Variants in ZZEF1 observed in about 807,000 individuals in gnomAD.
ZZEF1 encodes zinc finger ZZ-type and EF-hand domain containing 1.
A neutral mutation model predicts 342.8 loss-of-function variants in ZZEF1; 157 were observed. The observed-to-expected ratio is 0.46, with a 90% CI of 0.40 to 0.52. The LOEUF is 0.52. Among genes scored for constraint, ZZEF1 ranks in the 20% least tolerant of loss-of-function variants. The pLI is 0.00. For missense variants in ZZEF1, 3,480 were observed against 3,725.6 expected (o/e 0.93, Z 1.72); for synonymous variants, 1,505 against 1,429.1 (o/e 1.05, Z -1.20).
intron 52 of ZZEF1, among the ~76,000 whole-genome samples, chr17:4,010,740 AAG>A (rs1477188126): frequency 6.7e-6 from 1 of 149,252 alleles, no homozygotes; most frequent in African/African-American, 2.5e-5. Flanking sequence ...AAAAAAGAAA[AAG>A]AAAAAAGAAA....
rs180820932 is a variant in ZZEF1, at chr17:4,083,140, T to A, written c.2647-636A>T. On this transcript the variant is annotated intron_variant, in intron 16 of 54. Coordinates refer to ENST00000381638, the MANE Select transcript of ZZEF1 (RefSeq NM_015113.4). ...GCAATCACAGCTCTTAAGGGTATGG[T>A]ATCCGAAGATACTGAGGAGGCACCT... is the stretch of plus-strand genomic sequence containing the variant. Among the ~76,000 whole-genome samples the A allele has an allele frequency of 1.2e-4, 18 of 152,296 alleles. No individual in the cohort carries two copies. In the East Asian group the frequency reaches 3.3e-3, roughly 28 times the overall value.
intron 42 of ZZEF1, among the ~76,000 whole-genome samples, chr17:4,027,994 AT>A (rs1308846908): frequency 6.6e-6 from 1 of 151,798 alleles, no homozygotes; most frequent in African/African-American, 2.4e-5. Context: ...TATTTCCACT[AT>A]TGGCTCTTTA....
intron 37 of ZZEF1, among the ~76,000 whole-genome samples, chr17:4,045,562 C>A (rs995530007): frequency 2.6e-5 from 4 of 152,154 alleles, no homozygotes; most frequent in Non-Finnish European, 5.9e-5. Flanking sequence ...GTTTTCACTG[C>A]CACAGATGAA....
At chr17:4,071,256 G>C (rs531823707) in intron 25 of ZZEF1, 95 of 227,600 alleles carry the variant, frequency 4.2e-4, no homozygotes, top group Non-Finnish European at 7.6e-4. Context: ...TATGGGCTTT[G>C]GCCTGGACCC....
At chr17:4,083,999 A>T (rs7223569) in intron 16 of ZZEF1, among the ~76,000 whole-genome samples, 22,512 of 152,050 alleles carry the variant, frequency 0.15, 1,776 homozygotes, top group African/African-American at 0.2. Flanking sequence ...AAAACAAATA[A>T]ATATTTGTTT....
intron 24 of ZZEF1, among the ~76,000 whole-genome samples, chr17:4,073,397 G>A (rs1049984342): frequency 6.6e-6 from 1 of 152,056 alleles, no homozygotes; most frequent in Non-Finnish European, 1.5e-5. Flanking sequence ...TTGTTCCCTG[G>A]AAGAATTAAA....
intron 41 of ZZEF1, among the ~76,000 whole-genome samples, chr17:4,032,601 A>T (rs1179857657): frequency 1.3e-5 from 2 of 152,260 alleles, no homozygotes; most frequent in Non-Finnish European, 1.5e-5. Flanking sequence ...TTCAAAGCCA[A>T]CTACTGGCTA....
Position 4,049,859 on chromosome 17 carries a change from C to T in ZZEF1, c.5864G>A (p.Gly1955Asp), listed in dbSNP as rs763764015. The T allele has an allele frequency of 8.7e-6, 14 of 1,612,868 alleles. No individual in the cohort carries two copies. In the Admixed American group the frequency reaches 1.5e-4, roughly 17 times the overall value. Residue 1955 changes from glycine (G) to aspartate (D), a missense_variant and splice_region_variant, in exon 37 of 55, where the codon GGC becomes GAC. By Grantham distance (94) the Gly-to-Asp change is moderately conservative. Around this residue, in one of 5 missense-constraint regions of ZZEF1, gnomAD observed 1,269 missense variants for 1,342.4 expected, o/e 0.95. Transcript: ENST00000381638. ...DCLMKAHQGK[G>D]LKALALLGVL... ...ACCCAGCAAAGCTAGAGCTTTAAGG[C>T]CTATGTGGGAAGCAAATCAGAGAAT...
At chr17:4,137,617 A>G (rs1345203282) in intron 1 of ZZEF1, among the ~76,000 whole-genome samples, 1 of 152,112 alleles carries the variant, frequency 6.6e-6, no homozygotes, top group Non-Finnish European at 1.5e-5. Flanking sequence ...CAAAATAATA[A>G]TAATAATAAT....
At chr17:4,091,041 G>A (rs1400091208) in intron 11 of ZZEF1, among the ~76,000 whole-genome samples, 1 of 152,182 alleles carries the variant, frequency 6.6e-6, no homozygotes, top group African/African-American at 2.4e-5. Context: ...TATGAACTGG[G>A]AAATATAATC....
intron 5 of ZZEF1, among the ~76,000 whole-genome samples, chr17:4,112,093 T>TATAA (rs2058320345): frequency 1.7e-5 from 1 of 59,926 alleles, no homozygotes; most frequent in Non-Finnish European, 3.3e-5. Context: ...TATATATATA[T>TATAA]GTTTTGTTTT....
intron 18 of ZZEF1, among the ~76,000 whole-genome samples, chr17:4,079,311 A>G (rs2057679807): frequency 6.6e-6 from 1 of 152,184 alleles, no homozygotes; most frequent in Non-Finnish European, 1.5e-5. Context: ...TGATGTAACA[A>G]CAGAAGAAAG....
At chr17:4,038,903 A>G (rs1028308508) in intron 39 of ZZEF1, among the ~76,000 whole-genome samples, 3 of 152,210 alleles carry the variant, frequency 2.0e-5, no homozygotes, top group Admixed American at 6.5e-5. Context: ...GTTTCAAAAC[A>G]AGCAAAACTA....
At chr17:4,101,657 C>T (rs1256202777) in intron 9 of ZZEF1, among the ~76,000 whole-genome samples, 2 of 152,074 alleles carry the variant, frequency 1.3e-5, no homozygotes, top group Non-Finnish European at 2.9e-5. Context: ...AACAGAGTCT[C>T]GCTCTGTCAC....
Position 4,142,945 on chromosome 17 carries a change from C to A in ZZEF1, c.-50G>T. The A allele has an allele frequency of 7.7e-7, 1 of 1,302,336 alleles. No individual in the cohort carries two copies. Among genetic ancestry groups the A allele is most frequent in the South Asian group, 2.3e-5 (1 of 42,786 alleles). The allele number at this position is 1,302,336 out of a possible 1,614,324, so 80.7% of individuals were successfully genotyped here. ...CTCTGCAGCCGCCGCCGCCGCCTCC[C>A]CGCCTCGACCTGTCAACCTCCGACA... is the stretch of plus-strand genomic sequence containing the variant. On this transcript the variant is annotated 5_prime_UTR_variant, in exon 1 of 55. Transcript: ENST00000381638.
At chr17:4,137,993 A>G (rs9910347) in intron 1 of ZZEF1, among the ~76,000 whole-genome samples, 87,122 of 152,038 alleles carry the variant, frequency 0.57, 25,596 homozygotes, top group African/African-American at 0.62. Context: ...ATGCGGGGGT[A>G]GGGGGAAGAT....
intron 5 of ZZEF1, among the ~76,000 whole-genome samples, chr17:4,111,996 G>A (rs1447257058): frequency 6.4e-5 from 8 of 125,938 alleles, no homozygotes; most frequent in Admixed American, 9.3e-5. Flanking sequence ...CTGTACCACT[G>A]CACTCCAGCC....
chr17:4,009,523 G>A, intron 53 of ZZEF1, 81 bp downstream of exon 53: 1 of 1,590,494 alleles, frequency 6.3e-7, no homozygotes, highest in Non-Finnish European at 8.6e-7. Flanking sequence ...CTCGGATGAG[G>A]CAGCAGCTTC....
intron 14 of ZZEF1, 30 bp from the exon 15 acceptor site, chr17:4,086,685 A>G: frequency 6.2e-7 from 1 of 1,611,436 alleles, no homozygotes; most frequent in Non-Finnish European, 8.5e-7. Flanking sequence ...ATCAGAGAGC[A>G]AAAGGGCAAG....
Sources: gnomAD v4.1 joint callset for allele counts (sites outside exome capture counted in the v4.1 genomes callset) on GRCh38, gnomAD v4.1.1 for gene constraint, gnomAD v4.1.1 regional missense constraint, MANE v1.5 for transcripts, NCBI Gene and HGNC (gene_info 2026-07-23, HGNC 2026-07-21) for gene names.